The following AUTS2 variants were observed in gnomAD, a reference collection of about 807,000 sequenced individuals.
AUTS2 encodes the protein autism susceptibility gene 2 protein.
In AUTS2, 17 loss-of-function variants were observed where a neutral mutation model predicts 112.4. The observed-to-expected ratio is 0.15, with a 90% CI of 0.10 to 0.23. The LOEUF is 0.23. Ranked by LOEUF, AUTS2 falls within the 10% of genes least tolerant of loss-of-function variation. The pLI is 1.00. For missense variants in AUTS2, 1,510 were observed against 1,701.6 expected (o/e 0.89, Z 1.98); for synonymous variants, 751 against 702.7 (o/e 1.07, Z -1.09).
chr7:69,973,382 G>A (rs1797933398), intron 2 of AUTS2, among the ~76,000 whole-genome samples: 1 of 152,194 alleles, frequency 6.6e-6, no homozygotes, highest in Non-Finnish European at 1.5e-5. Context: ...AATGAGGACA[G>A]ATTTATTTCT....
intron 5 of AUTS2, among the ~76,000 whole-genome samples, chr7:70,600,113 T>C (rs1175881025): frequency 2.6e-5 from 4 of 152,272 alleles, no homozygotes; most frequent in Non-Finnish European, 4.4e-5. Flanking sequence ...GAGTGCTGCA[T>C]GCCCAAGTTT....
intron 6 of AUTS2, among the ~76,000 whole-genome samples, chr7:70,708,641 T>TG (rs1809870015): frequency 6.6e-6 from 1 of 151,274 alleles, no homozygotes; most frequent in Non-Finnish European, 1.5e-5. Context: ...TTATCTGAGG[T>TG]GAGCCCCGAA....
intron 4 of AUTS2, among the ~76,000 whole-genome samples, chr7:70,426,388 C>T (rs1795439332): frequency 6.6e-6 from 1 of 152,224 alleles, no homozygotes; most frequent in Non-Finnish European, 1.5e-5. Context: ...ACTTTAAGGA[C>T]ATACAAATGG....
intron 4 of AUTS2, among the ~76,000 whole-genome samples, chr7:70,228,829 T>C (rs1329968067): frequency 6.6e-6 from 1 of 151,976 alleles, no homozygotes; most frequent in African/African-American, 2.4e-5. Flanking sequence ...GTATAACCTA[T>C]GCTTAAAGAA....
intron 5 of AUTS2, among the ~76,000 whole-genome samples, chr7:70,671,315 A>G (rs1807629704): frequency 6.6e-6 from 1 of 152,246 alleles, no homozygotes; most frequent in Non-Finnish European, 1.5e-5. Context: ...CCTTCATAAA[A>G]TGACTTAGAT....
intron 4 of AUTS2, among the ~76,000 whole-genome samples, chr7:70,147,659 C>T (rs747485587): frequency 6.6e-6 from 1 of 152,086 alleles, no homozygotes; most frequent in Non-Finnish European, 1.5e-5. Context: ...ATCATTTACA[C>T]GGGTGTACCA....
chr7:70,071,218 C>G (rs1802752038), intron 2 of AUTS2, among the ~76,000 whole-genome samples: 1 of 152,286 alleles, frequency 6.6e-6, no homozygotes, highest in East Asian at 1.9e-4. Context: ...CCAGGGTCAT[C>G]ATATGAATGA....
chr7:70,053,461 C>T (rs916125172), intron 2 of AUTS2, among the ~76,000 whole-genome samples: 7 of 151,770 alleles, frequency 4.6e-5, no homozygotes, highest in Non-Finnish European at 7.4e-5. Context: ...CAAAATAGTA[C>T]ATCTTCTTTG....
At chr7:70,139,253 C>T (rs1023406441) in intron 4 of AUTS2, among the ~76,000 whole-genome samples, 2 of 152,196 alleles carry the variant, frequency 1.3e-5, no homozygotes, top group East Asian at 1.9e-4. Flanking sequence ...AGGCGTGAGC[C>T]ACCATGCCTG....
At chr7:70,207,586 C>A (rs1691644177) in intron 4 of AUTS2, among the ~76,000 whole-genome samples, 1 of 152,120 alleles carries the variant, frequency 6.6e-6, no homozygotes, top group African/African-American at 2.4e-5. Flanking sequence ...TGATACTTAG[C>A]CTTTATAAAC....
chr7:70,544,508 C>T (rs1425053351), intron 5 of AUTS2, among the ~76,000 whole-genome samples: 3 of 152,046 alleles, frequency 2.0e-5, no homozygotes, highest in African/African-American at 7.2e-5. Context: ...GGAATAAATC[C>T]CCTCAAATCT....
At chr7:70,591,738 T>TC (rs1043673776) in intron 5 of AUTS2, among the ~76,000 whole-genome samples, 77 of 152,048 alleles carry the variant, frequency 5.1e-4, no homozygotes, top group Admixed American at 1.9e-3. Flanking sequence ...TTGTTTATGC[T>TC]CCCCCCACCT....
At chr7:70,425,909 A>G (rs1795417028) in intron 4 of AUTS2, among the ~76,000 whole-genome samples, 1 of 152,226 alleles carries the variant, frequency 6.6e-6, no homozygotes, top group Non-Finnish European at 1.5e-5. Context: ...GCAGTGTTCT[A>G]GACATTTTTA....
At chr7:70,701,040 G>A (rs891508105) in intron 6 of AUTS2, among the ~76,000 whole-genome samples, 1 of 152,208 alleles carries the variant, frequency 6.6e-6, no homozygotes, top group African/African-American at 2.4e-5. Context: ...AGAGTGCAGG[G>A]GAGCTGACAC....
chr7:69,678,021 G>C (rs979490782), intron 1 of AUTS2, among the ~76,000 whole-genome samples: 1 of 152,184 alleles, frequency 6.6e-6, no homozygotes, highest in Non-Finnish European at 1.5e-5. Context: ...AGCTCTTGGG[G>C]TAAGGTTGGC....
intron 2 of AUTS2, among the ~76,000 whole-genome samples, chr7:70,038,489 C>A (rs1218313912): frequency 6.6e-6 from 1 of 152,142 alleles, no homozygotes; most frequent in African/African-American, 2.4e-5. Flanking sequence ...ATTAAACACT[C>A]TTACCTAACT....
At chr7:70,283,864 A>G (rs1372096521) in intron 4 of AUTS2, among the ~76,000 whole-genome samples, 1 of 152,100 alleles carries the variant, frequency 6.6e-6, no homozygotes, top group African/African-American at 2.4e-5. Context: ...GGGAGGGAGG[A>G]AGGAAGAAAG....
chr7:69,804,057 A>G (rs1244873292), intron 1 of AUTS2, among the ~76,000 whole-genome samples: 1 of 152,120 alleles, frequency 6.6e-6, no homozygotes, highest in Non-Finnish European at 1.5e-5. Flanking sequence ...TTCATTTTCC[A>G]TTGACACCAT....
chr7:70,021,123 C>T (rs1243727147), intron 2 of AUTS2, among the ~76,000 whole-genome samples: 1 of 152,140 alleles, frequency 6.6e-6, no homozygotes, highest in Non-Finnish European at 1.5e-5. Context: ...GCTGGGATTA[C>T]AGGCATGCGC....
Sources: gnomAD v4.1 joint callset for allele counts (sites outside exome capture counted in the v4.1 genomes callset) on GRCh38, gnomAD v4.1.1 for gene constraint, MANE v1.5 for transcripts, NCBI Gene and HGNC (gene_info 2026-07-23, HGNC 2026-07-21) for gene names.